Variants in RDH10 observed in about 807,000 individuals in gnomAD.
RDH10 encodes retinol dehydrogenase 10.
A neutral mutation model predicts 30.2 loss-of-function variants in RDH10; 12 were observed. The ratio of observed to expected loss-of-function variants is 0.40; its 90% CI spans 0.25 to 0.64. RDH10 has a LOEUF of 0.64. Among genes scored for constraint, RDH10 ranks in the 30% least tolerant of loss-of-function variants. RDH10 has a pLI of 0.43. For synonymous variants in RDH10, 189 were observed against 172.2 expected, an observed-to-expected ratio of 1.10 and a Z score of -0.76; for missense variants, 268 against 445.2, an observed-to-expected ratio of 0.60 and a Z score of 3.58.
chr8:73,294,824 A>G lies in RDH10; in HGVS notation c.-466A>G. 2 of 378,902 alleles carry G rather than the reference A, an allele frequency of 5.3e-6. No individual in the cohort carries two copies. The highest frequency in any genetic ancestry group is 2.1e-5 in the African/African-American group (1 of 47,356). 23.5% of individuals were successfully genotyped at this position (378,902 alleles called of 1,614,324 possible). A position where few individuals can be genotyped will look rare whatever the true frequency, so the allele number is the denominator to read the frequency against. ...TCTCGCAACTTGGGTCGAGTTGACA[A>G]CTCCCGCGGCAGCCCGCTGGCCCGT... is the stretch of plus-strand genomic sequence containing the variant. On this transcript the variant is annotated 5_prime_UTR_variant, in exon 1 of 6. Coordinates refer to ENST00000240285, the MANE Select transcript of RDH10 (RefSeq NM_172037.5).
intron 2 of RDH10, among the ~76,000 whole-genome samples, chr8:73,307,795 G>GT (rs1814488798): frequency 6.6e-6 from 1 of 152,220 alleles, no homozygotes; most frequent in South Asian, 2.1e-4. Flanking sequence ...GTGGTGTAGT[G>GT]TAAGAATTAA....
At chr8:73,299,897 G>A (rs540656943) in intron 2 of RDH10, among the ~76,000 whole-genome samples, 14 of 152,268 alleles carry the variant, frequency 9.2e-5, no homozygotes, top group Non-Finnish European at 1.9e-4. Flanking sequence ...TTGATATACC[G>A]TCTTTCTAAT....
At chr8:73,295,622 T>C (rs1290955451) in intron 1 of RDH10, 44 bp downstream of exon 1, 1 of 1,438,634 alleles carries the variant, frequency 7.0e-7, no homozygotes, top group South Asian at 1.4e-5. Flanking sequence ...CAAGCCTCTT[T>C]CCACCCCGCG....
rs1814761233 is a variant in RDH10, at chr8:73,320,919, C to G, written c.625-13C>G. On this transcript the variant is annotated splice_polypyrimidine_tract_variant and intron_variant, in intron 3 of 5. Transcript: ENST00000240285. ...ATGCTTAGTATTTCTGCTTTCTCCC[C>G]TCTTTAACTCAGGATTACTGTGCCA... 1 of 1,613,690 alleles carries G rather than the reference C, an allele frequency of 6.2e-7. No individual in the cohort carries two copies. Among genetic ancestry groups the G allele is most frequent in the Admixed American group, 1.7e-5 (1 of 59,968 alleles).
At chr8:73,301,053 T>C (rs1814364808) in intron 2 of RDH10, among the ~76,000 whole-genome samples, 1 of 138,044 alleles carries the variant, frequency 7.2e-6, no homozygotes, top group Non-Finnish European at 1.6e-5. Context: ...TTTTTTTTTT[T>C]TTTTTTTTTT....
At chr8:73,300,772 G>A (rs1814359451) in intron 2 of RDH10, among the ~76,000 whole-genome samples, 1 of 152,188 alleles carries the variant, frequency 6.6e-6, no homozygotes, top group Non-Finnish European at 1.5e-5. Context: ...CTTTTAAGGT[G>A]TAGCTCAAGT....
At chr8:73,295,658 C>A in intron 1 of RDH10, 80 bp downstream of exon 1, 1 of 1,327,918 alleles carries the variant, frequency 7.5e-7, no homozygotes, top group South Asian at 1.5e-5. Flanking sequence ...CCCCAAACCC[C>A]GCTGCCTGGT....
rs1814560871 is a variant in RDH10, at chr8:73,311,342, G to C, written c.526-7754G>C. On this transcript the variant is annotated intron_variant, in intron 2 of 5. Transcript: ENST00000240285. Reference sequence around the variant, plus strand: ...TTGAGTTTTAAGTCACCTTATTTCTGGTATTTCTGCATAGTGAGCTCTAAA... The same window carrying C: ...TTGAGTTTTAAGTCACCTTATTTCTCGTATTTCTGCATAGTGAGCTCTAAA... 5 of 152,142 alleles carry C rather than the reference G, an allele frequency of 3.3e-5. 1 individual carries two copies. In the South Asian group the frequency reaches 1.0e-3, roughly 31 times the overall value. 9.4% of individuals were successfully genotyped at this position (152,142 alleles called of 1,614,324 possible).
chr8:73,297,764 GTTC>G (rs964386202), intron 2 of RDH10: 1 of 230,222 alleles, frequency 4.3e-6, no homozygotes, highest in African/African-American at 2.2e-5. Context: ...AACATTGGTT[GTTC>G]TTATGAATTT....
chr8:73,306,234 C>G (rs562456410), intron 2 of RDH10, among the ~76,000 whole-genome samples: 12 of 152,362 alleles, frequency 7.9e-5, no homozygotes, highest in African/African-American at 2.6e-4. Flanking sequence ...GTTCCAGTCA[C>G]CTGCATCCCT....
chr8:73,297,022 G>T, intron 1 of RDH10, 172 bp from the exon 2 acceptor site: 1 of 597,806 alleles, frequency 1.7e-6, no homozygotes, highest in South Asian at 2.0e-5. Flanking sequence ...TTCATGGGAG[G>T]AAGGCAGCTG....
intron 2 of RDH10, among the ~76,000 whole-genome samples, chr8:73,302,406 C>T (rs902792210): frequency 6.6e-6 from 1 of 152,260 alleles, no homozygotes; most frequent in African/African-American, 2.4e-5. Context: ...CTCTCTTGGG[C>T]GGGGTGCAGT....
At position 73,323,085 on chromosome 8, in the gene RDH10, T is replaced by A. The variant is rs1389758962; in HGVS notation, c.*49T>A. 6.7e-7 allele frequency: 1 copy of A among 1,491,754 alleles called. No individual in the cohort carries two copies. Among genetic ancestry groups the A allele is most frequent in the East Asian group, 2.3e-5 (1 of 44,056 alleles). The allele number at this position is 1,491,754 out of a possible 1,614,324, so 92.4% of individuals were successfully genotyped here. On this transcript the variant is annotated 3_prime_UTR_variant, in exon 6 of 6. Transcript: ENST00000240285. ...CTTCTATCAGAAGATGATCAAGATG[T>A]TTCAGTCCAGTGCACATCAGCATTG...
At chr8:73,307,414 T>C (rs981999154) in intron 2 of RDH10, among the ~76,000 whole-genome samples, 1 of 152,182 alleles carries the variant, frequency 6.6e-6, no homozygotes, top group African/African-American at 2.4e-5. Context: ...GGAAACAACC[T>C]AACCAAAAAT....
At chr8:73,309,105 A>G (rs1814514187) in intron 2 of RDH10, among the ~76,000 whole-genome samples, 1 of 152,016 alleles carries the variant, frequency 6.6e-6, no homozygotes, top group South Asian at 2.1e-4. Context: ...TCCTGAGCTA[A>G]CCAGCCCTTT....
Position 73,295,174 on chromosome 8 carries a change from GC to G in RDH10, c.-115del. 1 of 1,036,318 alleles carries G rather than the reference GC, an allele frequency of 9.6e-7. No homozygotes were observed. The highest frequency in any genetic ancestry group is 1.3e-6 in the Non-Finnish European group (1 of 766,500). The allele number at this position is 1,036,318 out of a possible 1,614,324, so 64.2% of individuals were successfully genotyped here. On this transcript the variant is annotated 5_prime_UTR_variant, in exon 1 of 6. Transcript: ENST00000240285. ...GGCACCTCGGGGGCGGGCGCGGGGCGCAGCCTTCTCGTCCCGGCCTCTGTGA... is the reference window on the plus strand; with the variant it reads ...GGCACCTCGGGGGCGGGCGCGGGGCGAGCCTTCTCGTCCCGGCCTCTGTGA...
In RDH10 at chr8:73,295,219, GAGCCCGATTGCCGGGCTC is replaced by G; in HGVS notation, c.-70_-53del. 7.2e-7 allele frequency: 1 copy of G among 1,381,494 alleles called. No individual in the cohort carries two copies. Among genetic ancestry groups the G allele is most frequent in the Non-Finnish European group, 9.6e-7 (1 of 1,047,106 alleles). The allele number at this position is 1,381,494 out of a possible 1,614,324, so 85.6% of individuals were successfully genotyped here. A position where few individuals can be genotyped will look rare whatever the true frequency, so the allele number is the denominator to read the frequency against. On this transcript the variant is annotated 5_prime_UTR_variant, in exon 1 of 6. Coordinates refer to ENST00000240285, the MANE Select transcript of RDH10 (RefSeq NM_172037.5). ...TCTGTGACAAGCGCCCCGGAGCCGG[GAGCCCGATTGCCGGGCTC>G]GGGGTGGGCGCGGACGCAGGCACTG...
intron 2 of RDH10, among the ~76,000 whole-genome samples, chr8:73,309,979 C>T (rs796641594): frequency 7.2e-5 from 11 of 152,200 alleles, no homozygotes; most frequent in African/African-American, 2.4e-4. Context: ...GCACTGGTTC[C>T]CAAACTCAGC....
chr8:73,298,483 A>G (rs1181323457), intron 2 of RDH10, among the ~76,000 whole-genome samples: 1 of 152,062 alleles, frequency 6.6e-6, no homozygotes, highest in Non-Finnish European at 1.5e-5. Context: ...TCTTGGAGGA[A>G]GCTTATTTTA....
Sources: gnomAD v4.1 joint callset for allele counts (sites outside exome capture counted in the v4.1 genomes callset) on GRCh38, gnomAD v4.1.1 for gene constraint, MANE v1.5 for transcripts, NCBI Gene and HGNC (gene_info 2026-07-23, HGNC 2026-07-21) for gene names.